HAPSTR1: variants seen among roughly 807,000 people sequenced by gnomAD.
HAPSTR1 encodes the protein HUWE1 associated protein modifying stress responses.
chr16:9,092,020 GC>G, the HAPSTR1 span: 1 of 1,484,050 alleles, frequency 6.7e-7, no homozygotes, highest in Non-Finnish European at 9.0e-7. Context: ...GGCGGTGGCG[GC>G]GAGGCCGCGG....
chr16:9,091,939 TCGCCAGGCCCTGC>T, the HAPSTR1 span: 1 of 985,610 alleles, frequency 1.0e-6, no homozygotes, highest in African/African-American at 1.7e-5. Flanking sequence ...GCGCCGTCGG[TCGCCAGGCCCTGC>T]CGCCGGGCCG....
At chr16:9,100,078 ATGT>A in the HAPSTR1 span, among the ~76,000 whole-genome samples, 2 of 152,200 alleles carry the variant, frequency 1.3e-5, no homozygotes, top group Non-Finnish European at 2.9e-5. Context: ...AAAACCTTAA[ATGT>A]TGTTTCTGCT....
chr16:9,110,101 G>A, the HAPSTR1 span: 1 of 150,342 alleles, frequency 6.7e-6, no homozygotes, highest in South Asian at 2.1e-4. Context: ...CAGGGAATCA[G>A]ATTGAGGCAC....
At chr16:9,092,021 C>G in the HAPSTR1 span, 1 of 1,483,566 alleles carries the variant, frequency 6.7e-7, no homozygotes, top group African/African-American at 1.5e-5. Flanking sequence ...GCGGTGGCGG[C>G]GAGGCCGCGG....
the HAPSTR1 span, among the ~76,000 whole-genome samples, chr16:9,113,707 AG>A: frequency 6.6e-6 from 1 of 152,230 alleles, no homozygotes; most frequent in Non-Finnish European, 1.5e-5. Context: ...CAAGTACGAA[AG>A]GTTATCTTTG....
At chr16:9,116,578 T>C in the HAPSTR1 span, 1 of 1,499,324 alleles carries the variant, frequency 6.7e-7, no homozygotes, top group South Asian at 1.3e-5. Flanking sequence ...CAGACATGCT[T>C]TGACATTGTG....
the HAPSTR1 span, among the ~76,000 whole-genome samples, chr16:9,096,158 T>G: frequency 6.6e-6 from 1 of 152,184 alleles, no homozygotes; most frequent in African/African-American, 2.4e-5. Flanking sequence ...CTCCTTGACT[T>G]AATTAACTTA....
At chr16:9,108,997 C>G in the HAPSTR1 span, 1 of 152,176 alleles carries the variant, frequency 6.6e-6, no homozygotes, top group Non-Finnish European at 1.5e-5. Flanking sequence ...GACCAAGGAT[C>G]TCAAGGCCCA....
At chr16:9,109,099 A>G in the HAPSTR1 span, 1 of 152,186 alleles carries the variant, frequency 6.6e-6, no homozygotes. Flanking sequence ...GAGGGATCAG[A>G]TCATTTAGAA....
chr16:9,106,322 C>T, the HAPSTR1 span: 3 of 145,264 alleles, frequency 2.1e-5, no homozygotes, highest in Non-Finnish European at 3.0e-5. Flanking sequence ...GACTGAGTGT[C>T]GCTCTATAGC....
chr16:9,118,639 T>G, the HAPSTR1 span: 7 of 152,390 alleles, frequency 4.6e-5, no homozygotes, highest in South Asian at 6.2e-4. Flanking sequence ...TATAGCAATC[T>G]GTCATTTTAC....
At chr16:9,111,347 C>T in the HAPSTR1 span, 1 of 152,222 alleles carries the variant, frequency 6.6e-6, no homozygotes, top group Non-Finnish European at 1.5e-5. Context: ...AAAGCAGTCT[C>T]TTAATTACTT....
At chr16:9,110,820 C>T in the HAPSTR1 span, 1 of 152,272 alleles carries the variant, frequency 6.6e-6, no homozygotes, top group East Asian at 1.9e-4. Context: ...GGTGAATCAC[C>T]TGAGGTCAGG....
the HAPSTR1 span, chr16:9,121,017 A>C: frequency 1.3e-5 from 2 of 152,124 alleles, no homozygotes; most frequent in African/African-American, 4.8e-5. Flanking sequence ...CTGTCGCTGG[A>C]GTGCGGTGGT....
chr16:9,121,583 T>C, the HAPSTR1 span: 1 of 152,218 alleles, frequency 6.6e-6, no homozygotes, highest in East Asian at 1.9e-4. Context: ...TGGGCTGTTT[T>C]CTCATCTGTG....
At chr16:9,096,379 GTA>G in the HAPSTR1 span, among the ~76,000 whole-genome samples, 2 of 148,526 alleles carry the variant, frequency 1.3e-5, no homozygotes, top group African/African-American at 4.8e-5. Context: ...ACTCTGGTGT[GTA>G]TTTCCTTCTT....
the HAPSTR1 span, among the ~76,000 whole-genome samples, chr16:9,097,988 G>A: frequency 6.6e-6 from 1 of 152,178 alleles, no homozygotes; most frequent in Non-Finnish European, 1.5e-5. Flanking sequence ...TTTTAGGAAG[G>A]GGAGGACAAG....
At chr16:9,117,774 T>G in the HAPSTR1 span, 5 of 150,550 alleles carry the variant, frequency 3.3e-5, no homozygotes, top group African/African-American at 2.5e-5. Flanking sequence ...TCAGTATTAG[T>G]GAGAGGGAGA....
the HAPSTR1 span, chr16:9,111,421 T>C: frequency 6.6e-6 from 1 of 152,272 alleles, no homozygotes; most frequent in African/African-American, 2.4e-5. Flanking sequence ...TTGTAAATTA[T>C]GTCCCTTTGT....
Sources: allele counts gnomAD v4.1 joint callset (sites outside exome capture counted in the v4.1 genomes callset), GRCh38; gene constraint gnomAD v4.1.1; transcripts MANE v1.5; gene names NCBI Gene and HGNC (gene_info 2026-07-23, HGNC 2026-07-21).